The following KCTD13 variants were observed in gnomAD, a reference collection of about 807,000 sequenced individuals.
KCTD13 encodes the protein potassium channel tetramerization domain containing 13.
Under a neutral mutation model 32.3 loss-of-function variants are expected in KCTD13, and 15 were observed. The observed-to-expected ratio is 0.46, with a 90% CI of 0.31 to 0.71. KCTD13 has a LOEUF of 0.71. Ranked by LOEUF, KCTD13 falls within the 30% of genes least tolerant of loss-of-function variation. The pLI, the probability that KCTD13 is intolerant of heterozygous loss-of-function variation, is 0.05. For missense variants in KCTD13, 337 were observed against 452.6 expected, an observed-to-expected ratio of 0.74 and a Z score of 2.32; for synonymous variants, 189 against 200.1, an observed-to-expected ratio of 0.94 and a Z score of 0.47.
intron 1 of KCTD13, among the ~76,000 whole-genome samples, chr16:29,925,254 G>C (rs898496680): frequency 1.3e-5 from 2 of 152,188 alleles, no homozygotes; most frequent in Admixed American, 1.3e-4. Context: ...CAAACCCAAA[G>C]CAGCCTCCTT....
chr16:29,923,854 CAAAACAAA>C (rs745452180), intron 1 of KCTD13, among the ~76,000 whole-genome samples: 2 of 149,702 alleles, frequency 1.3e-5, no homozygotes, highest in African/African-American at 4.9e-5. Flanking sequence ...AACTCCGTCT[CAAAACAAA>C]AAAATAAAAA....
At chr16:29,925,187 G>C (rs1382306918) in intron 1 of KCTD13, among the ~76,000 whole-genome samples, 3 of 152,140 alleles carry the variant, frequency 2.0e-5, no homozygotes, top group East Asian at 3.8e-4. Context: ...AACACTCCAA[G>C]AAGGTAAGGT....
chr16:29,913,779 A>C (rs1012437027), intron 2 of KCTD13: 1 of 152,316 alleles, frequency 6.6e-6, no homozygotes, highest in Non-Finnish European at 1.5e-5. Flanking sequence ...GCAGCATGGC[A>C]ACTGGCTTCT....
At chr16:29,911,539 G>T (rs1473753101) in intron 4 of KCTD13, 1 of 588,582 alleles carries the variant, frequency 1.7e-6, no homozygotes, top group Admixed American at 3.1e-5. Context: ...GACCTCAAGG[G>T]GGAGGACTCT....
intron 5 of KCTD13, among the ~76,000 whole-genome samples, chr16:29,908,243 A>G (rs2068646933): frequency 6.6e-6 from 1 of 152,194 alleles, no homozygotes; most frequent in South Asian, 2.1e-4. Flanking sequence ...GGAAGATCAA[A>G]AGGGAGGCCA....
chr16:29,916,525 G>C (rs964909370), intron 2 of KCTD13, among the ~76,000 whole-genome samples: 1 of 152,094 alleles, frequency 6.6e-6, no homozygotes, highest in Admixed American at 6.6e-5. Context: ...AGAAACCAAA[G>C]TCTGTTCTCT....
chr16:29,922,554 A>C (rs1264916526), intron 2 of KCTD13: 6 of 154,206 alleles, frequency 3.9e-5, no homozygotes, highest in African/African-American at 1.4e-4. Flanking sequence ...GTGACACAGA[A>C]CCCTTATGTC....
rs544264134 is a variant in KCTD13, at chr16:29,911,729, G to A, written c.557+86C>T. ...GCACAGATGTTCTTGTAGGCCCCCC[G>A]TGTGGCCGTGGCCCTCGCCTTGGGC... On this transcript the variant is annotated intron_variant, in intron 4 of 5. Coordinates refer to ENST00000568000, the MANE Select transcript of KCTD13 (RefSeq NM_178863.5). 642 of 1,435,382 alleles carry A rather than the reference G, an allele frequency of 4.5e-4. 1 individual carries two copies. The African/African-American group carries it at 7.4e-3, about 16-fold the overall frequency. The allele number at this position is 1,435,382 out of a possible 1,614,324, so 88.9% of individuals were successfully genotyped here.
rs766653477 is a variant in KCTD13 at position 29,907,055 on chromosome 16, G to C, written c.807C>G (p.Tyr269Ter). The change falls in exon 6 of 6, where the codon TAC (tyrosine) becomes TAG (stop). Residue 269 changes from tyrosine (Y) to a stop codon, truncating the protein, a stop_gained. Transcript: ENST00000568000. LOFTEE classifies it high-confidence loss of function. ...IFEETLNILI[Y>*]ETPRGPDPAL... ...CTGGGTCTGGGCCCCGGGGAGTCTC[G>C]TAGATGAGGATGTTCAGGGTCTCCT... 1.2e-6 allele frequency: 2 copies of C among 1,613,628 alleles called. No individual in the cohort carries two copies. The highest frequency in any genetic ancestry group is 1.7e-6 in the Non-Finnish European group (2 of 1,179,572).
rs987855069 is a variant in KCTD13 at position 29,907,786 on chromosome 16, A to AAAAT, written c.754-682_754-679dup. ...CTGGGTGACAGTGAGACCCCATCTC[A>AAAAT]AAATAAATAAATAAATAAATAAAAT... On this transcript the variant is annotated intron_variant, in intron 5 of 5. Coordinates refer to ENST00000568000, the MANE Select transcript of KCTD13 (RefSeq NM_178863.5). Among the ~76,000 whole-genome samples the AAAAT allele has an allele frequency of 5.3e-5, 8 of 152,070 alleles. No individual in the cohort carries two copies. The East Asian group carries it at 5.8e-4, about 11-fold the overall frequency.
chr16:29,915,518 G>C (rs1380297456), intron 2 of KCTD13, among the ~76,000 whole-genome samples: 5 of 151,828 alleles, frequency 3.3e-5, no homozygotes, highest in African/African-American at 4.8e-5. Context: ...TGGGCGTGGT[G>C]GTGGGCACCT....
At chr16:29,911,909 G>T in intron 3 of KCTD13, 42 bp from the exon 4 acceptor site, 1 of 1,609,848 alleles carries the variant, frequency 6.2e-7, no homozygotes. Context: ...TGAGGCTGCA[G>T]GGAGAGGCCC....
rs936958520 is a variant in KCTD13 at position 29,926,145 on chromosome 16, G to T, written c.-112C>A. The T allele has an allele frequency of 1.5e-5, 18 of 1,216,318 alleles. No homozygotes were observed. The highest frequency in any genetic ancestry group is 1.8e-5 in the Non-Finnish European group (17 of 922,654). 75.3% of individuals were successfully genotyped at this position (1,216,318 alleles called of 1,614,324 possible). A position where few individuals can be genotyped will look rare whatever the true frequency, so the allele number is the denominator to read the frequency against. ...TTGGGCCAGACCGCTCGGCGCACACGCCCACTCACCGCAGCTACTCTGCAA... is the reference window on the plus strand; with the variant it reads ...TTGGGCCAGACCGCTCGGCGCACACTCCCACTCACCGCAGCTACTCTGCAA... On this transcript the variant is annotated 5_prime_UTR_variant, in exon 1 of 6. Coordinates refer to ENST00000568000, the MANE Select transcript of KCTD13 (RefSeq NM_178863.5).
chr16:29,912,539 A>C (rs1197094345), intron 2 of KCTD13, among the ~76,000 whole-genome samples: 7 of 152,106 alleles, frequency 4.6e-5, no homozygotes, highest in African/African-American at 1.7e-4. Context: ...CTCCCGGGTT[A>C]AAGCAATTCT....
chr16:29,921,087 G>A (rs1414995295), intron 2 of KCTD13: 4 of 152,098 alleles, frequency 2.6e-5, no homozygotes, highest in African/African-American at 9.7e-5. Flanking sequence ...ACTTGGAGCA[G>A]CATGAATAGA....
chr16:29,906,911 G>T lies in KCTD13; in HGVS notation c.951C>A (p.Asp317Glu), dbSNP rs773039788. 1 of 1,614,028 alleles carries T rather than the reference G, an allele frequency of 6.2e-7. No individual in the cohort carries two copies. Residue 317 changes from aspartate (D) to glutamate (E), a missense_variant, in exon 6 of 6, where the codon GAC (aspartate) becomes GAA (glutamate). Asp to Glu is a conservative substitution (Grantham distance 45). Transcript: ENST00000568000. ...RIHVRRHITH[D>E]ERPHGQQIVF... ...CAATTTGTTGGCCATGAGGACGCTC[G>T]TCGTGGGTGATATGGCGCCGGACAT...
At chr16:29,921,839 C>T (rs2068919591) in intron 2 of KCTD13, 1 of 152,108 alleles carries the variant, frequency 6.6e-6, no homozygotes, top group African/African-American at 2.4e-5. Flanking sequence ...AGCGTGGTAG[C>T]AGGCGCCTGT....
chr16:29,911,699 A>G, intron 4 of KCTD13, 116 bp downstream of exon 4: 1 of 1,096,788 alleles, frequency 9.1e-7, no homozygotes, highest in Non-Finnish European at 1.3e-6. Flanking sequence ...CGAATCTGCG[A>G]GCAGGCACAG....
At chr16:29,908,146 C>T (rs1169677205) in intron 5 of KCTD13, among the ~76,000 whole-genome samples, 1 of 151,942 alleles carries the variant, frequency 6.6e-6, no homozygotes, top group Non-Finnish European at 1.5e-5. Flanking sequence ...GGGGAGGGGA[C>T]AAGGCACACA....
Sources: allele counts gnomAD v4.1 joint callset (sites outside exome capture counted in the v4.1 genomes callset), GRCh38; gene constraint gnomAD v4.1.1; transcripts MANE v1.5; gene names NCBI Gene and HGNC (gene_info 2026-07-23, HGNC 2026-07-21).